CRTC3: variants seen among roughly 807,000 people sequenced by gnomAD.
CRTC3 encodes CREB-regulated transcription coactivator 3.
Under a neutral mutation model 74.5 loss-of-function variants are expected in CRTC3, and 26 were observed. The observed-to-expected ratio is 0.35, with a 90% CI of 0.26 to 0.48. CRTC3 has a LOEUF of 0.48. Among genes scored for constraint, CRTC3 ranks in the 20% least tolerant of loss-of-function variants. The pLI, the probability that CRTC3 is intolerant of heterozygous loss-of-function variation, is 0.99. For synonymous variants in CRTC3, 377 were observed against 325.8 expected, an observed-to-expected ratio of 1.16 and a Z score of -1.69; for missense variants, 760 against 787.3, an observed-to-expected ratio of 0.97 and a Z score of 0.41.
intron 13 of CRTC3, 31 bp from the exon 14 acceptor site, chr15:90,641,066 G>T (rs377250247): frequency 1.4e-6 from 2 of 1,421,598 alleles, no homozygotes; most frequent in African/African-American, 2.8e-5. Flanking sequence ...CAGAGGTGTG[G>T]CCTTCCTCAC....
At chr15:90,551,724 T>C (rs551203055) in intron 2 of CRTC3, among the ~76,000 whole-genome samples, 2 of 71,204 alleles carry the variant, frequency 2.8e-5, no homozygotes, top group Non-Finnish European at 6.0e-5. Flanking sequence ...GAAGTGTTTC[T>C]TTTAGTGGTA....
intron 10 of CRTC3, among the ~76,000 whole-genome samples, chr15:90,626,923 A>G (rs796550467): frequency 7.9e-5 from 12 of 152,322 alleles, no homozygotes; most frequent in African/African-American, 2.9e-4. Flanking sequence ...ACCCTTGTCA[A>G]TGTCTAGGGC....
At chr15:90,564,904 A>ACCTT (rs71154112) in intron 2 of CRTC3, among the ~76,000 whole-genome samples, 3,127 of 146,300 alleles carry the variant, frequency 0.021, 42 homozygotes, top group Middle Eastern at 0.041. Context: ...AATTTAACCA[A>ACCTT]CCTTCCTTCC....
intron 6 of CRTC3, among the ~76,000 whole-genome samples, chr15:90,611,493 C>T (rs1968355341): frequency 6.6e-6 from 1 of 152,090 alleles, no homozygotes; most frequent in African/African-American, 2.4e-5. Context: ...GTAGTGCTAT[C>T]TTGTGGGTTT....
chr15:90,636,498 C>T (rs1366547592), intron 11 of CRTC3, among the ~76,000 whole-genome samples: 2 of 151,562 alleles, frequency 1.3e-5, no homozygotes, highest in Admixed American at 6.6e-5. Flanking sequence ...TAGGCATGGG[C>T]AAGGACTTCA....
Position 90,551,944 on chromosome 15 carries a change from G to GCGCACACACA in CRTC3, c.231+11808_231+11809insGCACACACAC, listed in dbSNP as rs1555446977. Among the ~76,000 whole-genome samples, 84 of 129,274 alleles carry GCGCACACACA rather than the reference G, an allele frequency of 6.5e-4. 2 individuals are homozygous for GCGCACACACA. In the East Asian group the frequency reaches 0.015, roughly 24 times the overall value. 84.8% of individuals were successfully genotyped at this position (129,274 alleles called of 152,430 possible). On this transcript the variant is annotated intron_variant, in intron 2 of 14. Transcript: ENST00000268184. ...ATTACACACACGCACACACACACAC[G>GCGCACACACA]CACACACACACACACACACACACAA...
chr15:90,534,561 A>AGTTG (rs56768119), intron 1 of CRTC3, among the ~76,000 whole-genome samples: 4 of 151,584 alleles, frequency 2.6e-5, no homozygotes, highest in African/African-American at 4.8e-5. Flanking sequence ...AAATGTGGTT[A>AGTTG]GTTGGTTGGT....
rs1404419217 is a variant in CRTC3 at position 90,643,215 on chromosome 15, CATG to C, written c.*1080_*1082del. 1.3e-5 allele frequency: 3 copies of C among 232,650 alleles called. No homozygotes were observed. Among genetic ancestry groups the C allele is most frequent in the African/African-American group, 6.6e-5 (3 of 45,324 alleles). 14.4% of individuals were successfully genotyped at this position (232,650 alleles called of 1,614,324 possible). A position where few individuals can be genotyped will look rare whatever the true frequency, so the allele number is the denominator to read the frequency against. ...GTGCTGCAGAACCGTGCGTGCAGCG[CATG>C]ATGAATGAGTGCGTCCGCCATGCCG... On this transcript the variant is annotated 3_prime_UTR_variant, in exon 15 of 15. Coordinates refer to ENST00000268184, the MANE Select transcript of CRTC3 (RefSeq NM_022769.5).
chr15:90,578,473 G>A (rs972835191), intron 2 of CRTC3, among the ~76,000 whole-genome samples: 5 of 151,942 alleles, frequency 3.3e-5, no homozygotes, highest in Admixed American at 6.6e-5. Context: ...AGAATTGCTC[G>A]AACCCGGGAG....
intron 9 of CRTC3, among the ~76,000 whole-genome samples, chr15:90,623,067 C>A (rs973017854): frequency 3.9e-5 from 6 of 152,116 alleles, no homozygotes; most frequent in African/African-American, 1.4e-4. Flanking sequence ...ATTCCCCCGT[C>A]ACCACCCTTC....
intron 6 of CRTC3, among the ~76,000 whole-genome samples, chr15:90,610,586 T>C (rs189481230): frequency 1.4e-3 from 211 of 152,326 alleles, no homozygotes; most frequent in Admixed American, 2.9e-3. Context: ...AGAAATAAAT[T>C]TTTATGGAAC....
intron 11 of CRTC3, among the ~76,000 whole-genome samples, chr15:90,637,564 A>G (rs377293380): frequency 3.1e-4 from 47 of 152,294 alleles, no homozygotes; most frequent in African/African-American, 1.1e-3. Flanking sequence ...AATATTAAAG[A>G]AAAAGAAATT....
intron 2 of CRTC3, among the ~76,000 whole-genome samples, chr15:90,554,825 G>A (rs1446344556): frequency 6.6e-6 from 1 of 152,226 alleles, no homozygotes; most frequent in African/African-American, 2.4e-5. Context: ...ACACCAGAGT[G>A]TTGTACTCCA....
At chr15:90,600,879 G>T (rs1436047310) in intron 3 of CRTC3, among the ~76,000 whole-genome samples, 3 of 152,174 alleles carry the variant, frequency 2.0e-5, no homozygotes, top group African/African-American at 7.2e-5. Flanking sequence ...CTTGGTTTGG[G>T]TGAGTGATAA....
Position 90,533,296 on chromosome 15 carries a change from CGGGAGGCTGCGGCAGGA to C in CRTC3, c.132+3112_132+3128del, listed in dbSNP as rs559090116. The stretch of plus-strand genomic sequence containing the variant: ...GCGGGCGCCTGTAGTCCCAGCTACT[CGGGAGGCTGCGGCAGGA>C]GGGAGGCTGCGGCAGGAGAATGGCG... On this transcript the variant is annotated intron_variant, in intron 1 of 14. Coordinates refer to ENST00000268184, the MANE Select transcript of CRTC3 (RefSeq NM_022769.5). Among the ~76,000 whole-genome samples the C allele has an allele frequency of 2.3e-4, 35 of 150,932 alleles. 1 individual carries two copies. Among genetic ancestry groups the C allele is most frequent in the Non-Finnish European group, 4.0e-4 (27 of 67,794 alleles).
intron 2 of CRTC3, among the ~76,000 whole-genome samples, chr15:90,548,583 A>T (rs1171677964): frequency 6.6e-6 from 1 of 151,682 alleles, no homozygotes; most frequent in Non-Finnish European, 1.5e-5. Context: ...TCTTTAAAGG[A>T]AAAAAAAAGA....
intron 2 of CRTC3, among the ~76,000 whole-genome samples, chr15:90,571,482 G>A (rs1967263482): frequency 6.6e-6 from 1 of 152,162 alleles, no homozygotes; most frequent in African/African-American, 2.4e-5. Flanking sequence ...AGAAGGGAGT[G>A]GTGAGAGATG....
intron 9 of CRTC3, among the ~76,000 whole-genome samples, chr15:90,622,590 C>A (rs1396416129): frequency 1.3e-5 from 2 of 152,198 alleles, no homozygotes; most frequent in Admixed American, 6.5e-5. Context: ...GTGGCTCATG[C>A]CTGTAATCGC....
chr15:90,548,131 C>T (rs538753258), intron 2 of CRTC3, among the ~76,000 whole-genome samples: 58 of 149,002 alleles, frequency 3.9e-4, no homozygotes, highest in African/African-American at 9.7e-4. Context: ...TCAAGCGATC[C>T]ACCCGCCGTG....
Sources: gnomAD v4.1 joint callset for allele counts (sites outside exome capture counted in the v4.1 genomes callset) on GRCh38, gnomAD v4.1.1 for gene constraint, MANE v1.5 for transcripts, NCBI Gene and HGNC (gene_info 2026-07-23, HGNC 2026-07-21) for gene names.